Variants in C4orf36 observed in about 807,000 individuals in gnomAD.
The protein encoded by C4orf36 is chromosome 4 open reading frame 36, also known as uncharacterized protein C4orf36.
C4orf36 carries 11 observed loss-of-function variants against 12.2 expected under a neutral mutation model. The ratio of observed to expected loss-of-function variants is 0.90; its 90% CI spans 0.57 to 1.49. The LOEUF (loss-of-function observed/expected upper bound fraction) is 1.49, where lower values mean the gene tolerates loss of function less well. C4orf36 is among the 40% of genes most tolerant of loss of function. The pLI is 0.00. For synonymous variants in C4orf36, 54 were observed against 51.3 expected (o/e 1.05, Z -0.22); for missense variants, 137 against 133.9 (o/e 1.02, Z -0.11).
the C4orf36 span, among the ~76,000 whole-genome samples, chr4:86,912,662 A>G: frequency 0.063 from 9,554 of 152,328 alleles, 422 homozygotes; most frequent in Non-Finnish European, 0.089. Context: ...CAATACTCCC[A>G]GGTCCTTTCA....
At chr4:86,881,817 C>G (rs1410856619) in intron 4 of C4orf36, among the ~76,000 whole-genome samples, 3 of 152,124 alleles carry the variant, frequency 2.0e-5, no homozygotes, top group Admixed American at 6.5e-5. Flanking sequence ...GCTGGGATTA[C>G]AGGCGCATGC....
At chr4:86,893,703 A>G (rs1384160285), upstream of C4orf36, among the ~76,000 whole-genome samples, 1 of 151,998 alleles carries the variant, frequency 6.6e-6, no homozygotes, top group Non-Finnish European at 1.5e-5. Context: ...TGCCTCCCAG[A>G]AACTGGAAGG....
chr4:86,893,447 G>A (rs1195801686), upstream of C4orf36, among the ~76,000 whole-genome samples: 2 of 152,084 alleles, frequency 1.3e-5, no homozygotes, highest in Admixed American at 1.3e-4. Context: ...TTAGCTGGGC[G>A]AGGTGGCGCG....
chr4:86,880,587 T>C (rs775543095), intron 4 of C4orf36, among the ~76,000 whole-genome samples: 3 of 152,152 alleles, frequency 2.0e-5, no homozygotes, highest in Non-Finnish European at 4.4e-5. Context: ...ATTAAAACTT[T>C]CCCAGATAAA....
chr4:86,887,886 T>C lies in C4orf36; in HGVS notation c.228A>G (p.Lys76=), dbSNP rs141332289. The change falls in exon 4 of 5, where the codon AAA becomes AAG. Residue 76 remains lysine (K), a synonymous_variant. Coordinates refer to ENST00000295898, the MANE Select transcript of C4orf36 (RefSeq NM_144645.4). ...GCTTCACTTCATACTCCCTTTCGAG[T>C]TTGATAGCTGAAAAAGAAAATACAC... ...DGLLPSAESI[K]LEREYEVKRL... The C allele has an allele frequency of 6.2e-7, 1 of 1,613,992 alleles. No individual in the cohort carries two copies. Among genetic ancestry groups the C allele is most frequent in the Non-Finnish European group, 8.5e-7 (1 of 1,179,982 alleles).
At chr4:86,930,877 C>T in the C4orf36 span, among the ~76,000 whole-genome samples, 1 of 152,128 alleles carries the variant, frequency 6.6e-6, no homozygotes, top group Non-Finnish European at 1.5e-5. Context: ...TAATTGTGCA[C>T]CTGGTTCTTC....
the C4orf36 span, among the ~76,000 whole-genome samples, chr4:86,903,622 A>G: frequency 3.9e-4 from 59 of 152,312 alleles, no homozygotes; most frequent in African/African-American, 1.4e-3. Context: ...ATTTATTCCA[A>G]AGATCAAAAG....
chr4:86,880,903 C>G (rs1747037391), intron 4 of C4orf36, among the ~76,000 whole-genome samples: 1 of 151,878 alleles, frequency 6.6e-6, no homozygotes, highest in Non-Finnish European at 1.5e-5. Context: ...CATGGTGGCA[C>G]ATGCCTGTAA....
chr4:86,884,298 AATTTTT>A (rs1747118780), intron 4 of C4orf36, among the ~76,000 whole-genome samples: 4 of 125,258 alleles, frequency 3.2e-5, no homozygotes, highest in East Asian at 2.4e-4. Context: ...AAAAAGACTG[AATTTTT>A]TTTTTTTTTT....
At chr4:86,883,083 C>CG (rs1560470827) in intron 4 of C4orf36, among the ~76,000 whole-genome samples, 1 of 152,164 alleles carries the variant, frequency 6.6e-6, no homozygotes, top group African/African-American at 2.4e-5. Context: ...ACTAAAAGTG[C>CG]CAGGTTGTGA....
Position 86,876,234 on chromosome 4 carries a change from G to C in C4orf36, c.*212C>G. 2.1e-6 allele frequency: 1 copy of C among 483,660 alleles called. No homozygotes were observed. Among genetic ancestry groups the C allele is most frequent in the Non-Finnish European group, 3.5e-6 (1 of 287,978 alleles). 30.0% of individuals were successfully genotyped at this position (483,660 alleles called of 1,614,324 possible). On this transcript the variant is annotated 3_prime_UTR_variant, in exon 5 of 5. Transcript: ENST00000295898. ...ATAAAATACATTTATAACTGGCAAT[G>C]TTTAAAAAGAGAAACAAACTGAGTT...
chr4:86,887,930 T>C (rs781699655), intron 3 of C4orf36, 37 bp from the exon 4 acceptor site: 2 of 1,611,866 alleles, frequency 1.2e-6, no homozygotes, highest in Admixed American at 3.3e-5. Flanking sequence ...CTGACATACA[T>C]TTTTCATCAG....
intron 4 of C4orf36, chr4:86,876,657 C>T: frequency 6.2e-7 from 1 of 1,612,932 alleles, no homozygotes; most frequent in Admixed American, 1.7e-5. Flanking sequence ...ATGGTATTTA[C>T]ATACACAGTG....
At chr4:86,918,825 GTGTGTGT>G in the C4orf36 span, among the ~76,000 whole-genome samples, 1 of 146,202 alleles carries the variant, frequency 6.8e-6, no homozygotes, top group Admixed American at 6.7e-5. Context: ...GTGTGTGTGT[GTGTGTGT>G]GTGCACGTGA....
chr4:86,916,980 A>G, the C4orf36 span, among the ~76,000 whole-genome samples: 1 of 152,180 alleles, frequency 6.6e-6, no homozygotes, highest in Non-Finnish European at 1.5e-5. Flanking sequence ...GTTATAAACA[A>G]GAGAAATTTA....
At chr4:86,921,512 C>A in the C4orf36 span, among the ~76,000 whole-genome samples, 1 of 152,120 alleles carries the variant, frequency 6.6e-6, no homozygotes, top group South Asian at 2.1e-4. Context: ...TAGCCATTTT[C>A]TTTTTTCCCC....
At chr4:86,928,596 A>T in the C4orf36 span, among the ~76,000 whole-genome samples, 1 of 152,228 alleles carries the variant, frequency 6.6e-6, no homozygotes. Context: ...TGTGCCATCT[A>T]TCTCTGACTT....
the C4orf36 span, among the ~76,000 whole-genome samples, chr4:86,907,305 G>C: frequency 6.6e-6 from 1 of 152,120 alleles, no homozygotes. Context: ...AAGTTTACTG[G>C]CAAATGTTAA....
chr4:86,926,923 C>T, the C4orf36 span, among the ~76,000 whole-genome samples: 8 of 152,194 alleles, frequency 5.3e-5, no homozygotes, highest in Admixed American at 3.9e-4. Flanking sequence ...GAAACTACAA[C>T]CTAACACCCA....
Sources: gnomAD v4.1 joint callset for allele counts (sites outside exome capture counted in the v4.1 genomes callset) on GRCh38, gnomAD v4.1.1 for gene constraint, MANE v1.5 for transcripts, NCBI Gene and HGNC (gene_info 2026-07-23, HGNC 2026-07-21) for gene names.